CNOT10: variants seen among roughly 807,000 people sequenced by gnomAD.
CNOT10 encodes CCR4-NOT transcription complex, subunit 10.
A neutral mutation model predicts 94.6 loss-of-function variants in CNOT10; 30 were observed. The ratio of observed to expected loss-of-function variants is 0.32; its 90% CI spans 0.24 to 0.43. The LOEUF (loss-of-function observed/expected upper bound fraction) is 0.43, where lower values mean the gene tolerates loss of function less well. Ranked by LOEUF, CNOT10 falls within the 20% of genes least tolerant of loss-of-function variation. The pLI, the probability that CNOT10 is intolerant of heterozygous loss-of-function variation, is 1.00. For synonymous variants in CNOT10, 289 were observed against 301.6 expected (o/e 0.96, Z 0.43); for missense variants, 759 against 877.2 (o/e 0.87, Z 1.70).
intron 10 of CNOT10, among the ~76,000 whole-genome samples, chr3:32,728,141 C>G (rs1575250931): frequency 6.6e-6 from 1 of 151,970 alleles, no homozygotes; most frequent in South Asian, 2.1e-4. Context: ...GGACCACATG[C>G]ACATGCCACC....
chr3:32,766,582 A>T (rs1339654549), intron 17 of CNOT10, among the ~76,000 whole-genome samples: 1 of 114,672 alleles, frequency 8.7e-6, no homozygotes, highest in Non-Finnish European at 1.9e-5. Context: ...GCAGTGAGCC[A>T]AGATCGCGCC....
At chr3:32,742,041 C>T (rs1008746293) in intron 13 of CNOT10, among the ~76,000 whole-genome samples, 5 of 151,454 alleles carry the variant, frequency 3.3e-5, no homozygotes, top group Non-Finnish European at 7.4e-5. Flanking sequence ...CTGCAACCTC[C>T]GCCTCCTGGG....
intron 14 of CNOT10, among the ~76,000 whole-genome samples, chr3:32,761,088 C>T (rs114611850): frequency 0.019 from 2,889 of 152,200 alleles, 55 homozygotes; most frequent in Middle Eastern, 0.071. Flanking sequence ...AAGATTGTAC[C>T]ACTGCATTCC....
At chr3:32,710,558 TA>T (rs1491001887) in intron 4 of CNOT10, among the ~76,000 whole-genome samples, 1 of 152,174 alleles carries the variant, frequency 6.6e-6, no homozygotes, top group Admixed American at 6.5e-5. Flanking sequence ...TTTGGACAAA[TA>T]TATTCATTAT....
chr3:32,696,870 G>T (rs1282515837), intron 1 of CNOT10, among the ~76,000 whole-genome samples: 1 of 152,112 alleles, frequency 6.6e-6, no homozygotes, highest in Non-Finnish European at 1.5e-5. Context: ...GAGCCAGTGT[G>T]TCCAGCCCAG....
intron 3 of CNOT10, among the ~76,000 whole-genome samples, chr3:32,706,753 A>C (rs1697643104): frequency 6.6e-6 from 1 of 152,210 alleles, no homozygotes; most frequent in Non-Finnish European, 1.5e-5. Flanking sequence ...CCATTACATA[A>C]CTACAGAAAG....
intron 1 of CNOT10, among the ~76,000 whole-genome samples, chr3:32,696,396 C>G (rs865805108): frequency 2.0e-5 from 3 of 151,706 alleles, no homozygotes; most frequent in Non-Finnish European, 2.9e-5. Context: ...CTCAAGCAAT[C>G]TTCCCACCTA....
At chr3:32,754,517 ACT>A (rs1700134240) in intron 13 of CNOT10, among the ~76,000 whole-genome samples, 1 of 79,374 alleles carries the variant, frequency 1.3e-5, no homozygotes, top group African/African-American at 6.4e-5. Flanking sequence ...TATTTATTTT[ACT>A]TTTTTTTTTT....
At chr3:32,753,918 T>TCA (rs146449669) in intron 13 of CNOT10, 24,305 of 1,015,670 alleles carry the variant, frequency 0.024, 574 homozygotes, top group African/African-American at 0.11. Context: ...TAATTTGCTC[T>TCA]CACACACACA....
At chr3:32,753,865 A>G (rs1700073884) in intron 13 of CNOT10, 9 of 1,432,456 alleles carry the variant, frequency 6.3e-6, no homozygotes, top group Non-Finnish European at 8.8e-6. Context: ...GGAAAGTTGA[A>G]ATCAATCCTG....
intron 1 of CNOT10, among the ~76,000 whole-genome samples, chr3:32,689,276 C>G (rs954923921): frequency 6.6e-5 from 10 of 151,678 alleles, no homozygotes; most frequent in East Asian, 5.8e-4. Flanking sequence ...TCACTTGAAC[C>G]CAGGTGGCAG....
chr3:32,699,178 C>G (rs948204815), intron 1 of CNOT10, among the ~76,000 whole-genome samples: 1 of 152,136 alleles, frequency 6.6e-6, no homozygotes, highest in Admixed American at 6.5e-5. Flanking sequence ...GAATAGTTTG[C>G]TGTGTATCCT....
chr3:32,696,935 C>G (rs1475241281), intron 1 of CNOT10, among the ~76,000 whole-genome samples: 1 of 151,154 alleles, frequency 6.6e-6, no homozygotes, highest in Non-Finnish European at 1.5e-5. Context: ...TTTTAGGAGA[C>G]TTACATTTTC....
intron 1 of CNOT10, chr3:32,695,968 A>AGTGTGTGTGTGTGTGTGTGTGTGT (rs764702440): frequency 4.6e-6 from 2 of 433,066 alleles, no homozygotes; most frequent in African/African-American, 2.4e-5. Flanking sequence ...TGTTGAAGAG[A>AGTGTGTGTGTGTGTGTGTGTGTGT]GTGTGTGTGT....
chr3:32,735,344 C>CAAAAAAAAAAAAAAAA (rs1267480500), intron 12 of CNOT10, among the ~76,000 whole-genome samples: 7 of 151,102 alleles, frequency 4.6e-5, no homozygotes, highest in African/African-American at 1.2e-4. Flanking sequence ...GACTTCATCT[C>CAAAAAAAAAAAAAAAA]AAAAAAGAAA....
At chr3:32,770,022 G>A in intron 18 of CNOT10, 60 bp downstream of exon 18, 1 of 1,330,058 alleles carries the variant, frequency 7.5e-7, no homozygotes. Context: ...TTTTTTGGTT[G>A]GGAGACAGGG....
At chr3:32,695,180 A>T (rs1696995020) in intron 1 of CNOT10, among the ~76,000 whole-genome samples, 1 of 152,192 alleles carries the variant, frequency 6.6e-6, no homozygotes. Context: ...CAGTGGAGGG[A>T]ATATGGTTTA....
At chr3:32,694,906 G>C (rs1696986638) in intron 1 of CNOT10, among the ~76,000 whole-genome samples, 1 of 151,978 alleles carries the variant, frequency 6.6e-6, no homozygotes, top group South Asian at 2.1e-4. Flanking sequence ...TATATTTTTA[G>C]TAGAGATGGG....
intron 10 of CNOT10, among the ~76,000 whole-genome samples, chr3:32,729,140 G>A (rs147937522): frequency 6.6e-6 from 1 of 152,262 alleles, no homozygotes; most frequent in Admixed American, 6.5e-5. Context: ...GCATTAAGCT[G>A]GATTTCCATC....
Sources: gnomAD v4.1 joint callset for allele counts (sites outside exome capture counted in the v4.1 genomes callset) on GRCh38, gnomAD v4.1.1 for gene constraint, MANE v1.5 for transcripts, NCBI Gene and HGNC (gene_info 2026-07-23, HGNC 2026-07-21) for gene names.